Variants in ARB2A observed in about 807,000 individuals in gnomAD.
The protein encoded by ARB2A is ARB2 cotranscriptional regulator A, also known as cotranscriptional regulator ARB2A.
At chr5:93,974,332 A>T in the ARB2A span, among the ~76,000 whole-genome samples, 1 of 152,224 alleles carries the variant, frequency 6.6e-6, no homozygotes, top group Non-Finnish European at 1.5e-5. Flanking sequence ...TTATTCCTAT[A>T]TCAGATAAAA....
chr5:93,947,920 C>T, the ARB2A span, among the ~76,000 whole-genome samples: 7,065 of 151,872 alleles, frequency 0.047, 361 homozygotes, highest in Admixed American at 0.15. Context: ...CTATCATTGT[C>T]GGACATTTGG....
chr5:93,658,954 G>A, the ARB2A span, among the ~76,000 whole-genome samples: 1 of 149,608 alleles, frequency 6.7e-6, no homozygotes, highest in Non-Finnish European at 1.5e-5. Context: ...TGGTTAGTAC[G>A]TGGGGGTGGG....
the ARB2A span, among the ~76,000 whole-genome samples, chr5:93,646,308 A>G: frequency 6.6e-6 from 1 of 151,654 alleles, no homozygotes; most frequent in Non-Finnish European, 1.5e-5. Flanking sequence ...TGCCAAAAAT[A>G]AAAAAAAATT....
At chr5:93,993,517 C>T in the ARB2A span, among the ~76,000 whole-genome samples, 2 of 152,060 alleles carry the variant, frequency 1.3e-5, no homozygotes, top group Non-Finnish European at 2.9e-5. Flanking sequence ...AAAATATTCA[C>T]GTCATCCACT....
At chr5:94,109,623 ATTC>A in the ARB2A span, among the ~76,000 whole-genome samples, 1 of 152,210 alleles carries the variant, frequency 6.6e-6, no homozygotes, top group African/African-American at 2.4e-5. Flanking sequence ...AGGAATAAAT[ATTC>A]ATTCTTGAGA....
the ARB2A span, among the ~76,000 whole-genome samples, chr5:93,995,294 T>A: frequency 6.6e-6 from 1 of 152,208 alleles, no homozygotes; most frequent in Non-Finnish European, 1.5e-5. Flanking sequence ...AAACTTCGTA[T>A]CACAGTAAAC....
At chr5:93,764,152 A>C in the ARB2A span, among the ~76,000 whole-genome samples, 1 of 152,356 alleles carries the variant, frequency 6.6e-6, no homozygotes, top group African/African-American at 2.4e-5. Flanking sequence ...GAGAAGCAAG[A>C]GCAAACACAT....
the ARB2A span, among the ~76,000 whole-genome samples, chr5:93,853,131 A>T: frequency 6.6e-6 from 1 of 151,800 alleles, no homozygotes; most frequent in Admixed American, 6.6e-5. Context: ...CTTTTATTTC[A>T]TTGAGCAGTG....
the ARB2A span, chr5:93,620,200 C>T: frequency 6.6e-6 from 1 of 152,184 alleles, no homozygotes; most frequent in Non-Finnish European, 1.5e-5. Flanking sequence ...ACCTTCACAC[C>T]TACACTTAAA....
chr5:93,830,311 GTATATATATATATATATATA>G, the ARB2A span, among the ~76,000 whole-genome samples: 126 of 82,276 alleles, frequency 1.5e-3, 3 homozygotes, highest in African/African-American at 6.3e-3. Context: ...GTGTGTGTGT[GTATATATATATATATATATA>G]TATATATATA....
the ARB2A span, among the ~76,000 whole-genome samples, chr5:93,655,669 T>A: frequency 6.2e-4 from 94 of 152,318 alleles, no homozygotes; most frequent in East Asian, 0.01. Flanking sequence ...GAAAACAACC[T>A]AAGTCAGTGA....
At chr5:94,105,969 C>A in the ARB2A span, among the ~76,000 whole-genome samples, 2 of 151,750 alleles carry the variant, frequency 1.3e-5, no homozygotes, top group Admixed American at 6.6e-5. Context: ...TTTTACCATA[C>A]ACAAAAATCC....
chr5:93,961,744 T>C, the ARB2A span, among the ~76,000 whole-genome samples: 1 of 152,116 alleles, frequency 6.6e-6, no homozygotes, highest in African/African-American at 2.4e-5. Flanking sequence ...TAAATAATTT[T>C]TAAGGGGCTA....
At chr5:93,915,035 G>A in the ARB2A span, among the ~76,000 whole-genome samples, 1 of 152,050 alleles carries the variant, frequency 6.6e-6, no homozygotes, top group Admixed American at 6.6e-5. Context: ...TCCCATAAAT[G>A]TAAAAGGTAG....
the ARB2A span, among the ~76,000 whole-genome samples, chr5:93,635,959 G>A: frequency 6.6e-6 from 1 of 152,128 alleles, no homozygotes; most frequent in African/African-American, 2.4e-5. Flanking sequence ...ATGCTTACAA[G>A]TGTTATTAAA....
the ARB2A span, chr5:93,881,574 C>T: frequency 5.0e-6 from 8 of 1,608,660 alleles, no homozygotes; most frequent in Admixed American, 8.4e-5. Flanking sequence ...TCTTTTCTTT[C>T]CCGTTTTTCT....
the ARB2A span, among the ~76,000 whole-genome samples, chr5:94,075,128 GGTA>G: frequency 8.6e-4 from 131 of 151,902 alleles, 1 homozygote; most frequent in Middle Eastern, 3.4e-3. Context: ...AATATCTTTG[GGTA>G]GTTCCAAAAA....
the ARB2A span, among the ~76,000 whole-genome samples, chr5:93,825,988 A>G: frequency 2.6e-5 from 4 of 152,122 alleles, no homozygotes; most frequent in Admixed American, 2.6e-4. Flanking sequence ...TGGAATTGGG[A>G]AAAAAACCTA....
chr5:93,839,990 T>A, the ARB2A span, among the ~76,000 whole-genome samples: 1 of 152,166 alleles, frequency 6.6e-6, no homozygotes, highest in Non-Finnish European at 1.5e-5. Context: ...ATTGATCATT[T>A]GTATGGTTTT....
Sources: allele counts gnomAD v4.1 joint callset (sites outside exome capture counted in the v4.1 genomes callset), GRCh38; gene constraint gnomAD v4.1.1; transcripts MANE v1.5; gene names NCBI Gene and HGNC (gene_info 2026-07-23, HGNC 2026-07-21).